Variants in SEM1 observed in about 807,000 individuals in gnomAD.
The protein encoded by SEM1 is SEM1 26S proteasome subunit, also known as 26S proteasome complex subunit SEM1.
A neutral mutation model predicts 12.7 loss-of-function variants in SEM1; 3 were observed. That is an observed-to-expected ratio of 0.24 (90% CI 0.11 to 0.61). The LOEUF is 0.61. Ranked by LOEUF, SEM1 falls within the 20% of genes least tolerant of loss-of-function variation. SEM1 has a pLI of 0.88. For synonymous variants in SEM1, 30 were observed against 27.8 expected (o/e 1.08, Z -0.25); for missense variants, 59 against 81.3 (o/e 0.73, Z 1.06).
chr7:96,561,064 G>A (rs79344531), intron 2 of SEM1, among the ~76,000 whole-genome samples: 3,109 of 152,128 alleles, frequency 0.02, 94 homozygotes, highest in African/African-American at 0.071. Flanking sequence ...CTTCACGTGT[G>A]TGCCACTGTG....
At chr7:96,612,837 A>G (rs1006244569) in intron 2 of SEM1, among the ~76,000 whole-genome samples, 10 of 152,202 alleles carry the variant, frequency 6.6e-5, no homozygotes, top group African/African-American at 1.9e-4. Flanking sequence ...GGGTTTCACC[A>G]TGTTAGCCAG....
intron 2 of SEM1, among the ~76,000 whole-genome samples, chr7:96,622,801 T>C (rs1209832662): frequency 6.6e-6 from 1 of 152,174 alleles, no homozygotes; most frequent in Non-Finnish European, 1.5e-5. Flanking sequence ...TCTAGAAATG[T>C]GGCATTTTCA....
chr7:96,579,886 G>A (rs577658842), intron 2 of SEM1, among the ~76,000 whole-genome samples: 14 of 152,084 alleles, frequency 9.2e-5, no homozygotes, highest in African/African-American at 2.9e-4. Context: ...TATTATCTCT[G>A]CAACTTCTTA....
In SEM1 at chr7:96,640,005, C is replaced by T. The variant is rs753764251; in HGVS notation, c.171-17362G>A. ...ATCGTCAAATAAATGCAAATTAAAA[C>T]AGCAATACAATATCGCTACACACCT... On this transcript the variant is annotated intron_variant, in intron 2 of 2. Transcript: ENST00000417009. The surrounding 1 kb of genome is among the most constrained non-coding windows in gnomAD (Gnocchi z 4.0). 1.6e-4 allele frequency among the ~76,000 whole-genome samples: 25 copies of T among 152,036 alleles called. No homozygotes were observed. Among genetic ancestry groups the T allele is most frequent in the Non-Finnish European group, 3.4e-4 (23 of 67,888 alleles).
intron 2 of SEM1, among the ~76,000 whole-genome samples, chr7:96,599,277 A>G (rs547577084): frequency 5.3e-5 from 8 of 152,238 alleles, no homozygotes; most frequent in Admixed American, 1.3e-4. Context: ...TTCTTTCTAC[A>G]AAGGTATTGG....
intron 2 of SEM1, among the ~76,000 whole-genome samples, chr7:96,607,627 A>G (rs34999158): frequency 0.52 from 79,245 of 151,956 alleles, 23,574 homozygotes; most frequent in Non-Finnish European, 0.68. Context: ...ACCCCACCTC[A>G]TGTACATTGA....
chr7:96,700,670 G>A (rs1355441496), intron 1 of SEM1, among the ~76,000 whole-genome samples: 1 of 152,156 alleles, frequency 6.6e-6, no homozygotes, highest in East Asian at 1.9e-4. Flanking sequence ...AATGAGTAAT[G>A]TTTAACAAAC....
At chr7:96,655,835 C>T (rs1403557265) in intron 2 of SEM1, among the ~76,000 whole-genome samples, 1 of 152,088 alleles carries the variant, frequency 6.6e-6, no homozygotes, top group Non-Finnish European at 1.5e-5. Flanking sequence ...ATAAAGCTAA[C>T]TTATAAACTA....
In SEM1 at chr7:96,709,758, T is replaced by C. The variant is rs761359073; in HGVS notation, c.6A>G (p.Ser2=). The change falls in exon 1 of 3, where the codon TCA becomes TCG. Residue 2 remains serine (S), a synonymous_variant. Coordinates refer to ENST00000248566, the MANE Select transcript of SEM1 (RefSeq NM_006304.2). M[S]EKKQPVDLGL... is the part of the protein sequence containing the mutation. Reference sequence around the variant, plus strand: ...CTAAGTCTACCGGCTGCTTTTTCTCTGACATCTCGACTGTCCGCGCCCAAC... The same window carrying C: ...CTAAGTCTACCGGCTGCTTTTTCTCCGACATCTCGACTGTCCGCGCCCAAC... 6 of 1,613,954 alleles carry C rather than the reference T, an allele frequency of 3.7e-6. No individual in the cohort carries two copies. In the South Asian group the frequency reaches 5.5e-5, roughly 15 times the overall value.
intron 2 of SEM1, among the ~76,000 whole-genome samples, chr7:96,532,749 G>A (rs1258870529): frequency 2.0e-5 from 3 of 152,042 alleles, no homozygotes; most frequent in Non-Finnish European, 4.4e-5. Context: ...TATCGTACTT[G>A]CTAATTACAT....
intron 2 of SEM1, among the ~76,000 whole-genome samples, chr7:96,575,580 C>T (rs1806176914): frequency 6.6e-6 from 1 of 152,210 alleles, no homozygotes; most frequent in Non-Finnish European, 1.5e-5. Flanking sequence ...CACCCCTTCC[C>T]CCAGGTGCTC....
chr7:96,518,663 C>G (rs1804173216), intron 2 of SEM1, among the ~76,000 whole-genome samples: 1 of 152,134 alleles, frequency 6.6e-6, no homozygotes, highest in African/African-American at 2.4e-5. Flanking sequence ...GACTGCCTTA[C>G]TGAGAAGGCA....
At chr7:96,602,080 T>C (rs1277528595) in intron 2 of SEM1, among the ~76,000 whole-genome samples, 1 of 152,160 alleles carries the variant, frequency 6.6e-6, no homozygotes, top group Non-Finnish European at 1.5e-5. Context: ...ACATTAACAA[T>C]GTCTGTTGGA....
intron 2 of SEM1, among the ~76,000 whole-genome samples, chr7:96,639,461 AG>A (rs375116311): frequency 5.9e-5 from 9 of 152,116 alleles, no homozygotes; most frequent in African/African-American, 2.2e-4. Flanking sequence ...TTGACAAAGA[AG>A]CAAAGGCAAT....
rs368390461 is a variant in SEM1 at position 96,588,482 on chromosome 7, G to A, written c.171-81784C>T. Reference sequence around the variant, plus strand: ...TGACAACATTAGGTTTGACATGATAGGTATATTATTTGATAATAAAAGCTC... The same window carrying A: ...TGACAACATTAGGTTTGACATGATAAGTATATTATTTGATAATAAAAGCTC... On this transcript the variant is annotated intron_variant and NMD_transcript_variant, in intron 2 of 3. Transcript: ENST00000466986. Among the ~76,000 whole-genome samples, 201 of 121,670 alleles carry A rather than the reference G, an allele frequency of 1.7e-3. No homozygotes were observed. The Middle Eastern group carries it at 0.021, about 13-fold the overall frequency. The allele number at this position is 121,670 out of a possible 152,430, so 79.8% of individuals were successfully genotyped here. A position where few individuals can be genotyped will look rare whatever the true frequency, so the allele number is the denominator to read the frequency against.
chr7:96,517,751 A>G (rs1804141623), intron 2 of SEM1, among the ~76,000 whole-genome samples: 1 of 152,110 alleles, frequency 6.6e-6, no homozygotes, highest in Non-Finnish European at 1.5e-5. Flanking sequence ...TCTGTTAAAT[A>G]TGTGGCATAT....
chr7:96,584,178 G>C (rs1360650590), intron 2 of SEM1, among the ~76,000 whole-genome samples: 4 of 152,032 alleles, frequency 2.6e-5, no homozygotes, highest in Non-Finnish European at 4.4e-5. Flanking sequence ...GACAAAATCT[G>C]TCAGCATTTG....
intron 2 of SEM1, among the ~76,000 whole-genome samples, chr7:96,692,980 G>T (rs182917125): frequency 6.6e-6 from 1 of 151,828 alleles, no homozygotes; most frequent in Non-Finnish European, 1.5e-5. Flanking sequence ...AAAAACTGTA[G>T]AAGTATCAGT....
chr7:96,620,948 G>A (rs1275770909), downstream of SEM1, among the ~76,000 whole-genome samples: 3 of 151,982 alleles, frequency 2.0e-5, no homozygotes, highest in Non-Finnish European at 1.5e-5. Context: ...TGTGTGTTTT[G>A]GGGCAGTTGG....
Sources: allele counts gnomAD v4.1 joint callset (sites outside exome capture counted in the v4.1 genomes callset), GRCh38; gene constraint gnomAD v4.1.1; non-coding constraint Gnocchi (gnomAD v3.1); transcripts MANE v1.5; gene names NCBI Gene and HGNC (gene_info 2026-07-23, HGNC 2026-07-21).